GBP7: variants seen among roughly 807,000 people sequenced by gnomAD.
GBP7 encodes guanylate-binding protein 7.
A neutral mutation model predicts 61.3 loss-of-function variants in GBP7; 43 were observed. The ratio of observed to expected loss-of-function variants is 0.70; its 90% CI spans 0.55 to 0.91. The LOEUF (loss-of-function observed/expected upper bound fraction) is 0.91, where lower values mean the gene tolerates loss of function less well. Ranked by LOEUF, GBP7 falls within the 40% of genes least tolerant of loss-of-function variation. The probability of loss-of-function intolerance (pLI) is 0.00; values close to 1 mark genes in which losing one functional copy is unlikely to be tolerated. For synonymous variants in GBP7, 267 were observed against 271.0 expected (o/e 0.99, Z 0.14); for missense variants, 717 against 740.5 (o/e 0.97, Z 0.37).
chr1:89,164,870 G>A lies in GBP7; in HGVS notation c.191-12C>T. The stretch of plus-strand genomic sequence containing the variant: ...GCCCAGAGGGAAGCCTTCAAGGGAA[G>A]AGGAGAAACAACATATAGTGACAGC... On this transcript the variant is annotated splice_polypyrimidine_tract_variant and intron_variant, in intron 2 of 10. Transcript: ENST00000294671. 2 of 1,613,108 alleles carry A rather than the reference G, an allele frequency of 1.2e-6. No homozygotes were observed. The highest frequency in any genetic ancestry group is 1.7e-6 in the Non-Finnish European group (2 of 1,179,376).
At chr1:89,168,019 C>T (rs116477288) in intron 2 of GBP7, among the ~76,000 whole-genome samples, 2 of 152,260 alleles carry the variant, frequency 1.3e-5, no homozygotes, top group Admixed American at 1.3e-4. Flanking sequence ...ATTACACCAA[C>T]AGTAGTTTAG....
chr1:89,159,645 A>G (rs1400843615), intron 3 of GBP7, among the ~76,000 whole-genome samples: 3 of 152,244 alleles, frequency 2.0e-5, no homozygotes, highest in Non-Finnish European at 2.9e-5. Context: ...AGAAATGCAA[A>G]TCAAAACTAC....
At chr1:89,135,520 C>T (rs1681779753) in intron 9 of GBP7, among the ~76,000 whole-genome samples, 1 of 152,016 alleles carries the variant, frequency 6.6e-6, no homozygotes, top group Non-Finnish European at 1.5e-5. Flanking sequence ...ACCCTACAAG[C>T]CAGAAGAGAC....
chr1:89,144,360 T>C (rs1226374648), intron 8 of GBP7, among the ~76,000 whole-genome samples: 1 of 152,168 alleles, frequency 6.6e-6, no homozygotes, highest in Non-Finnish European at 1.5e-5. Context: ...GTCTTTTTGG[T>C]AGAATGTTTT....
chr1:89,172,972 G>A (rs1256354808), intron 1 of GBP7, among the ~76,000 whole-genome samples: 1 of 151,824 alleles, frequency 6.6e-6, no homozygotes, highest in African/African-American at 2.4e-5. Context: ...TATTCTGAGG[G>A]TTTCAATACT....
intron 2 of GBP7, among the ~76,000 whole-genome samples, chr1:89,166,324 A>G (rs1057238966): frequency 1.3e-5 from 2 of 152,210 alleles, no homozygotes; most frequent in African/African-American, 4.8e-5. Context: ...TGGGAAGGAC[A>G]GTATAAAGCA....
chr1:89,152,741 C>T lies in GBP7; in HGVS notation c.355G>A (p.Ala119Thr), dbSNP rs377549670. The T allele has an allele frequency of 1.3e-5, 21 of 1,612,398 alleles. No individual in the cohort carries two copies. The African/African-American group carries it at 2.4e-4, about 19-fold the overall frequency. Residue 119 changes from alanine (A) to threonine (T), a missense_variant, in exon 4 of 11, where the codon GCT (alanine) becomes ACT (threonine). Physicochemically the swap from Ala to Thr is moderately conservative, Grantham distance 58. Around this residue, in one of 3 missense-constraint regions of GBP7, gnomAD observed 387 missense variants for 385.2 expected, o/e 1.00. Transcript: ENST00000294671. ...ACAAAGCTGCTGCTTAGAAGCACAG[C>T]CAGGGCAAAGATCCACGAGTCACTC... Reference protein sequence around the residue: ...PKSDSWIFALAVLLSSSFVYN... With the variant: ...PKSDSWIFALTVLLSSSFVYN...
chr1:89,149,223 A>G (rs996301198), intron 7 of GBP7, 69 bp downstream of exon 7: 6 of 1,345,338 alleles, frequency 4.5e-6, no homozygotes, highest in East Asian at 2.4e-5. Context: ...CCATGGCATT[A>G]AAAAGGTGGA....
chr1:89,167,278 CCTT>C (rs1371186448), intron 2 of GBP7, among the ~76,000 whole-genome samples: 2 of 152,088 alleles, frequency 1.3e-5, no homozygotes, highest in African/African-American at 4.8e-5. Flanking sequence ...GGTTAAAATC[CCTT>C]CTTTTTGTCT....
chr1:89,163,653 T>A (rs1305446650), intron 3 of GBP7, among the ~76,000 whole-genome samples: 5 of 152,072 alleles, frequency 3.3e-5, no homozygotes, highest in Non-Finnish European at 7.4e-5. Context: ...CAGACTAATA[T>A]AAATAAAGGA....
intron 8 of GBP7, among the ~76,000 whole-genome samples, chr1:89,145,884 G>A (rs1682050369): frequency 8.3e-6 from 1 of 119,920 alleles, no homozygotes; most frequent in Non-Finnish European, 1.8e-5. Flanking sequence ...TTGTTAAAAT[G>A]TTCATACTAT....
At chr1:89,157,844 C>T (rs1682352122) in intron 3 of GBP7, among the ~76,000 whole-genome samples, 1 of 152,186 alleles carries the variant, frequency 6.6e-6, no homozygotes, top group Non-Finnish European at 1.5e-5. Flanking sequence ...GTGAATCCTC[C>T]CTAACTCATT....
chr1:89,155,523 G>A (rs1682299189), intron 3 of GBP7, among the ~76,000 whole-genome samples: 1 of 152,194 alleles, frequency 6.6e-6, no homozygotes, highest in African/African-American at 2.4e-5. Flanking sequence ...TAACCTGATG[G>A]AGCTGGAAAG....
In GBP7 at chr1:89,150,595, G is replaced by A; in HGVS notation, c.626-20C>T. On this transcript the variant is annotated intron_variant, in intron 5 of 10. Transcript: ENST00000294671. ...TCTTGCCTGCAGAATTAGTGAAAAA[G>A]TGACTACTGAAGAACAGGTTTTAAG... 2 of 1,612,118 alleles carry A rather than the reference G, an allele frequency of 1.2e-6. No individual in the cohort carries two copies. The highest frequency in any genetic ancestry group is 2.2e-5 in the South Asian group (2 of 90,928).
intron 6 of GBP7, among the ~76,000 whole-genome samples, chr1:89,149,805 A>C (rs553465085): frequency 2.6e-5 from 4 of 152,236 alleles, no homozygotes; most frequent in African/African-American, 4.8e-5. Context: ...CCAGCTCATC[A>C]CATTACAAAG....
intron 3 of GBP7, among the ~76,000 whole-genome samples, chr1:89,159,589 C>T (rs556398318): frequency 1.3e-5 from 2 of 152,300 alleles, no homozygotes; most frequent in Non-Finnish European, 2.9e-5. Flanking sequence ...GACATCTATG[C>T]AGCCAACAGA....
At chr1:89,158,097 C>T (rs1328153820) in intron 3 of GBP7, among the ~76,000 whole-genome samples, 1 of 152,094 alleles carries the variant, frequency 6.6e-6, no homozygotes, top group Non-Finnish European at 1.5e-5. Flanking sequence ...GTAAACAGAA[C>T]CAAAGACAAA....
intron 9 of GBP7, among the ~76,000 whole-genome samples, chr1:89,135,931 A>G (rs1208819375): frequency 1.3e-5 from 2 of 152,198 alleles, no homozygotes; most frequent in African/African-American, 4.8e-5. Flanking sequence ...CTCATATGCA[A>G]TTACACCAAT....
chr1:89,137,091 CA>C (rs1245075299), intron 9 of GBP7, among the ~76,000 whole-genome samples: 1 of 151,870 alleles, frequency 6.6e-6, no homozygotes, highest in South Asian at 2.1e-4. Context: ...TACAACCTAC[CA>C]AAAGTGAACC....
Sources: gnomAD v4.1 joint callset for allele counts (sites outside exome capture counted in the v4.1 genomes callset) on GRCh38, gnomAD v4.1.1 for gene constraint, gnomAD v4.1.1 regional missense constraint, MANE v1.5 for transcripts, NCBI Gene and HGNC (gene_info 2026-07-23, HGNC 2026-07-21) for gene names.